The following COL8A1 variants were observed in gnomAD, a reference collection of about 807,000 sequenced individuals.
COL8A1 encodes the protein collagen type VIII alpha 1 chain.
In COL8A1, 21 loss-of-function variants were observed where a neutral mutation model predicts 42.7. That is an observed-to-expected ratio of 0.49 (90% CI 0.35 to 0.71). The LOEUF (loss-of-function observed/expected upper bound fraction) is 0.71. Ranked by LOEUF, COL8A1 falls within the 30% of genes least tolerant of loss-of-function variation. The pLI, the probability that COL8A1 is intolerant of heterozygous loss-of-function variation, is 0.01. For missense variants in COL8A1, 788 were observed against 962.4 expected (o/e 0.82, Z 2.40); for synonymous variants, 367 against 369.1 (o/e 0.99, Z 0.06).
intron 1 of COL8A1, among the ~76,000 whole-genome samples, chr3:99,695,459 T>A (rs1320392981): frequency 1.3e-5 from 2 of 152,196 alleles, no homozygotes; most frequent in Non-Finnish European, 2.9e-5. Flanking sequence ...AAGAATTTTT[T>A]CACCATCATG....
chr3:99,705,143 A>G (rs1576439775), intron 1 of COL8A1, among the ~76,000 whole-genome samples: 1 of 152,180 alleles, frequency 6.6e-6, no homozygotes, highest in African/African-American at 2.4e-5. Flanking sequence ...GCCCCCGCAA[A>G]ACAAAGTAAT....
chr3:99,690,509 G>T lies in COL8A1; in HGVS notation c.-129+51845G>T, dbSNP rs1257498017. ...ACCTTAGTTTTTAAAGTCCCTAGAG[G>T]TACAGGCTCTCTTTTCTTGATTAAC... On this transcript the variant is annotated intron_variant, in intron 1 of 3. Transcript: ENST00000652472. 3.3e-5 allele frequency among the ~76,000 whole-genome samples: 5 copies of T among 152,114 alleles called. No homozygotes were observed. In the South Asian group the frequency reaches 1.0e-3, roughly 31 times the overall value.
At chr3:99,656,822 G>A (rs1477224231) in intron 1 of COL8A1, among the ~76,000 whole-genome samples, 1 of 152,234 alleles carries the variant, frequency 6.6e-6, no homozygotes, top group Non-Finnish European at 1.5e-5. Context: ...AAGGCCAAGA[G>A]TGGAAAAATA....
In COL8A1 at chr3:99,702,566, A is replaced by G. The variant is rs544988165; in HGVS notation, c.-128-42331A>G. ...CAGGGGCAATACAGGGGAGATTTCA[A>G]TTCCTGTGAGTGATGATCAACATGA... is the stretch of plus-strand genomic sequence containing the variant. On this transcript the variant is annotated intron_variant, in intron 1 of 3. Coordinates refer to ENST00000652472, the MANE Select transcript of COL8A1 (RefSeq NM_020351.4). Among the ~76,000 whole-genome samples, 10 of 152,332 alleles carry G rather than the reference A, an allele frequency of 6.6e-5. No homozygotes were observed. The South Asian group carries it at 1.0e-3, about 16-fold the overall frequency.
At chr3:99,736,100 C>T (rs1046044315) in intron 1 of COL8A1, among the ~76,000 whole-genome samples, 1 of 152,068 alleles carries the variant, frequency 6.6e-6, no homozygotes, top group Non-Finnish European at 1.5e-5. Flanking sequence ...TTCAAAAACC[C>T]AGCTCCTAGA....
chr3:99,778,616 T>TAA (rs71625538), intron 2 of COL8A1, among the ~76,000 whole-genome samples: 14 of 144,324 alleles, frequency 9.7e-5, no homozygotes, highest in South Asian at 2.2e-4. Flanking sequence ...GCTTTTAAAA[T>TAA]AAAAAAAAAA....
At chr3:99,780,663 G>A (rs1445344337) in intron 2 of COL8A1, among the ~76,000 whole-genome samples, 1 of 152,022 alleles carries the variant, frequency 6.6e-6, no homozygotes, top group Non-Finnish European at 1.5e-5. Flanking sequence ...CTTATAATGA[G>A]TTTTGCTCAT....
At chr3:99,720,479 T>C (rs1263345032) in intron 1 of COL8A1, among the ~76,000 whole-genome samples, 1 of 152,108 alleles carries the variant, frequency 6.6e-6, no homozygotes, top group Non-Finnish European at 1.5e-5. Flanking sequence ...GGTAACTTCC[T>C]ATATGGTTAG....
At chr3:99,657,629 C>G (rs1335235939) in intron 1 of COL8A1, among the ~76,000 whole-genome samples, 2 of 152,214 alleles carry the variant, frequency 1.3e-5, no homozygotes, top group Non-Finnish European at 2.9e-5. Context: ...CGCATCTTAG[C>G]TTCAGGCCAT....
intron 2 of COL8A1, among the ~76,000 whole-genome samples, chr3:99,788,688 G>A (rs931863331): frequency 6.6e-6 from 1 of 152,084 alleles, no homozygotes; most frequent in Non-Finnish European, 1.5e-5. Flanking sequence ...AAAGAAATTT[G>A]TTTAGATGCA....
intron 1 of COL8A1, among the ~76,000 whole-genome samples, chr3:99,713,890 T>C (rs1019819563): frequency 2.0e-5 from 3 of 152,118 alleles, no homozygotes; most frequent in Non-Finnish European, 4.4e-5. Flanking sequence ...GGATTTATCT[T>C]ATAGAAGAAG....
At chr3:99,709,795 T>G (rs979680294) in intron 1 of COL8A1, among the ~76,000 whole-genome samples, 2 of 152,166 alleles carry the variant, frequency 1.3e-5, no homozygotes, top group African/African-American at 4.8e-5. Context: ...AGATGAGTGT[T>G]ATGGTGTAAT....
intron 1 of COL8A1, among the ~76,000 whole-genome samples, chr3:99,657,373 T>G (rs1938055505): frequency 6.6e-6 from 1 of 152,198 alleles, no homozygotes; most frequent in African/African-American, 2.4e-5. Context: ...TACAGTTGTT[T>G]CTTGGTTTTG....
chr3:99,684,939 G>A (rs146782035), intron 1 of COL8A1, among the ~76,000 whole-genome samples: 217 of 152,232 alleles, frequency 1.4e-3, no homozygotes, highest in African/African-American at 4.9e-3. Context: ...AGAATGAAAG[G>A]CATTGCTTTT....
In COL8A1 at chr3:99,718,056, A is replaced by G. The variant is rs923111250; in HGVS notation, c.-128-26841A>G. 3.3e-5 allele frequency among the ~76,000 whole-genome samples: 5 copies of G among 151,772 alleles called. No individual in the cohort carries two copies. In the East Asian group the frequency reaches 9.7e-4, roughly 29 times the overall value. On this transcript the variant is annotated intron_variant, in intron 1 of 3. Coordinates refer to ENST00000652472, the MANE Select transcript of COL8A1 (RefSeq NM_020351.4). Reference sequence around the variant, plus strand: ...ATCTCCCTCTGTTTATCCAATTCCCATTCACTCTGCAAGACCCAGCTTCCC... The same window carrying G: ...ATCTCCCTCTGTTTATCCAATTCCCGTTCACTCTGCAAGACCCAGCTTCCC...
intron 1 of COL8A1, among the ~76,000 whole-genome samples, chr3:99,643,844 T>C (rs920677576): frequency 1.3e-5 from 2 of 152,228 alleles, no homozygotes; most frequent in African/African-American, 4.8e-5. Flanking sequence ...GTAACTCTCC[T>C]CTTCCACCCA....
At chr3:99,740,734 T>C (rs544352324) in intron 1 of COL8A1, among the ~76,000 whole-genome samples, 255 of 152,242 alleles carry the variant, frequency 1.7e-3, no homozygotes, top group Non-Finnish European at 3.0e-3. Flanking sequence ...AAATGGCAAA[T>C]CTAGGATTCA....
intron 1 of COL8A1, among the ~76,000 whole-genome samples, chr3:99,682,385 T>G (rs1030178671): frequency 6.6e-6 from 1 of 152,100 alleles, no homozygotes; most frequent in African/African-American, 2.4e-5. Flanking sequence ...GCCACTGCAC[T>G]CCAGCCTGGA....
intron 1 of COL8A1, among the ~76,000 whole-genome samples, chr3:99,685,885 T>G (rs1332963401): frequency 6.6e-6 from 1 of 152,224 alleles, no homozygotes; most frequent in Non-Finnish European, 1.5e-5. Context: ...GCAAGGGAGT[T>G]GGCAACATTT....
Sources: gnomAD v4.1 joint callset for allele counts (sites outside exome capture counted in the v4.1 genomes callset) on GRCh38, gnomAD v4.1.1 for gene constraint, MANE v1.5 for transcripts, NCBI Gene and HGNC (gene_info 2026-07-23, HGNC 2026-07-21) for gene names.